SMC4: variants seen among roughly 807,000 people sequenced by gnomAD.
The protein encoded by SMC4 is structural maintenance of chromosomes 4, also known as structural maintenance of chromosomes protein 4.
In SMC4, 87 loss-of-function variants were observed where a neutral mutation model predicts 145.6. The ratio of observed to expected loss-of-function variants is 0.60; its 90% CI spans 0.50 to 0.71. The LOEUF is 0.71. SMC4 is among the 30% of genes least tolerant of loss of function. The pLI is 0.00. For missense variants in SMC4, 1,447 were observed against 1,537.1 expected (o/e 0.94, Z 0.98); for synonymous variants, 558 against 500.7 (o/e 1.11, Z -1.53).
chr3:160,417,563 G>A lies in SMC4; in HGVS notation c.1438-160G>A, dbSNP rs1466357602. 3 of 632,216 alleles carry A rather than the reference G, an allele frequency of 4.7e-6. No homozygotes were observed. In the African/African-American group the frequency reaches 5.5e-5, roughly 12 times the overall value. The allele number at this position is 632,216 out of a possible 1,614,324, so 39.2% of individuals were successfully genotyped here. On this transcript the variant is annotated intron_variant, in intron 10 of 23. Transcript: ENST00000357388. The stretch of plus-strand genomic sequence containing the variant: ...ATGTACAGTGAATATTGACAACTAG[G>A]CAAAAACTGAATCTAGTCCACTTGT...
chr3:160,411,986 G>T lies in SMC4; in HGVS notation c.754G>T (p.Glu252Ter). 6.2e-7 allele frequency: 1 copy of T among 1,613,628 alleles called. No individual in the cohort carries two copies. The highest frequency in any genetic ancestry group is 8.5e-7 in the Non-Finnish European group (1 of 1,179,770). ...GACTGAACACGATGAGGGTATGCTT[G>T]AATATTTAGAAGATATAATTGGTTG... ...GQTEHDEGML[E>*]YLEDIIGCGR... The change falls in exon 6 of 24, where the codon GAA becomes TAA. Residue 252 changes from glutamate to a stop codon, truncating the protein, a stop_gained. Transcript: ENST00000357388. LOFTEE classifies it high-confidence loss of function.
intron 5 of SMC4, among the ~76,000 whole-genome samples, chr3:160,411,130 A>T (rs1715952395): frequency 6.6e-6 from 1 of 152,152 alleles, no homozygotes; most frequent in Non-Finnish European, 1.5e-5. Context: ...TTTACTCTTC[A>T]TAATTAAACT....
chr3:160,404,730 T>C lies in SMC4; in HGVS notation c.687+226T>C, dbSNP rs964568694. ...ATCAGATGTTCGTTTTATGTTTGGA[T>C]GAACTGACATACTTGTTCCACTCTA... On this transcript the variant is annotated intron_variant, in intron 5 of 23. Coordinates refer to ENST00000357388, the MANE Select transcript of SMC4 (RefSeq NM_001002800.3). 9.0e-6 allele frequency: 6 copies of C among 670,300 alleles called. No individual in the cohort carries two copies. In the Admixed American group the frequency reaches 9.0e-5, roughly 10 times the overall value. The allele number at this position is 670,300 out of a possible 1,614,324, so 41.5% of individuals were successfully genotyped here. A position where few individuals can be genotyped will look rare whatever the true frequency, so the allele number is the denominator to read the frequency against.
chr3:160,414,357 G>T lies in SMC4; in HGVS notation c.1122-10G>T. ...CAAAATAATGACTTACAATATACTT[G>T]CTTTGCTAGGAAACTGAATAAAATT... is the stretch of plus-strand genomic sequence containing the variant. On this transcript the variant is annotated splice_polypyrimidine_tract_variant and intron_variant, in intron 8 of 23. Transcript: ENST00000357388. 1 of 1,582,458 alleles carries T rather than the reference G, an allele frequency of 6.3e-7. No individual in the cohort carries two copies. Among genetic ancestry groups the T allele is most frequent in the South Asian group, 1.1e-5 (1 of 89,430 alleles).
At chr3:160,404,774 C>T (rs756199981) in intron 5 of SMC4, 5 of 598,424 alleles carry the variant, frequency 8.4e-6, no homozygotes, top group Admixed American at 1.9e-5. Flanking sequence ...TAAATATTGG[C>T]GTAGTGAAAT....
At chr3:160,427,495 G>A (rs1717915813) in intron 17 of SMC4, among the ~76,000 whole-genome samples, 1 of 152,120 alleles carries the variant, frequency 6.6e-6, no homozygotes, top group African/African-American at 2.4e-5. Flanking sequence ...GGTCAATTGA[G>A]AAGCCAAAAT....
chr3:160,410,626 A>C (rs750164338), intron 5 of SMC4, among the ~76,000 whole-genome samples: 4 of 152,242 alleles, frequency 2.6e-5, no homozygotes, highest in Non-Finnish European at 5.9e-5. Flanking sequence ...CATTGTGCTT[A>C]TAGACTGTCA....
At position 160,413,584 on chromosome 3, in the gene SMC4, T is replaced by G. The variant is rs1716256056; in HGVS notation, c.1092T>G (p.Ala364=). Residue 364 remains alanine, a synonymous_variant, in exon 8 of 24, where the codon GCT becomes GCG. Transcript: ENST00000357388. ...ATATACTATCAAATGAAATGAAAGC[T>G]AAGAATAAAGATGTAAAAGATACAG... ...KSNILSNEMK[A]KNKDVKDTEK... is the part of the protein sequence containing the mutation. The G allele has an allele frequency of 6.8e-7, 1 of 1,460,710 alleles. No individual in the cohort carries two copies. The allele number at this position is 1,460,710 out of a possible 1,614,324, so 90.5% of individuals were successfully genotyped here. A position where few individuals can be genotyped will look rare whatever the true frequency, so the allele number is the denominator to read the frequency against.
chr3:160,421,364 T>A (rs1576975196), intron 13 of SMC4, among the ~76,000 whole-genome samples: 1 of 152,208 alleles, frequency 6.6e-6, no homozygotes, highest in East Asian at 1.9e-4. Context: ...TAAAAAATTG[T>A]TTGACATTTG....
At chr3:160,408,159 C>G (rs1715554827) in intron 5 of SMC4, among the ~76,000 whole-genome samples, 1 of 151,982 alleles carries the variant, frequency 6.6e-6, no homozygotes, top group South Asian at 2.1e-4. Flanking sequence ...ATAGTAATTA[C>G]AAGTAAAAAT....
intron 5 of SMC4, chr3:160,404,935 T>C (rs1715153922): frequency 3.0e-6 from 1 of 338,856 alleles, no homozygotes; most frequent in African/African-American, 2.2e-5. Context: ...TTGTTCTTAT[T>C]ATCTCTTCTG....
At chr3:160,403,801 A>G (rs1006512358) in intron 4 of SMC4, among the ~76,000 whole-genome samples, 9 of 152,140 alleles carry the variant, frequency 5.9e-5, no homozygotes, top group South Asian at 2.1e-4. Flanking sequence ...TTTTTTAAAA[A>G]TCTGTTTAAA....
chr3:160,420,660 G>A, intron 12 of SMC4, 80 bp from the exon 13 acceptor site: 1 of 1,463,060 alleles, frequency 6.8e-7, no homozygotes, highest in Non-Finnish European at 9.3e-7. Flanking sequence ...TCAATTAAAA[G>A]AAGTTTTTAA....
In SMC4 at chr3:160,419,482, TC is replaced by T; in HGVS notation, c.1798del (p.Asp601MetfsTer3). The T allele has an allele frequency of 6.2e-7, 1 of 1,607,986 alleles. No individual in the cohort carries two copies. Among genetic ancestry groups the T allele is most frequent in the Non-Finnish European group, 8.5e-7 (1 of 1,178,684 alleles). Reference sequence around the variant, plus strand: ...GCAATGAATCGAAGTAGGGGGAAAGTCCTTGATGCAATAATTCAAGAAAAAA... The same window carrying T: ...GCAATGAATCGAAGTAGGGGGAAAGTCTTGATGCAATAATTCAAGAAAAAA... ...SLAMNRSRGK[V>X]LDAIIQEKKS... On this transcript the variant is annotated frameshift_variant, in exon 12 of 24. Transcript: ENST00000357388. LOFTEE classifies it high-confidence loss of function.
intron 13 of SMC4, among the ~76,000 whole-genome samples, chr3:160,421,552 T>G (rs1717179392): frequency 6.6e-6 from 1 of 152,092 alleles, no homozygotes; most frequent in African/African-American, 2.4e-5. Context: ...GAGACCAGCC[T>G]GGCCAACATG....
chr3:160,400,641 AC>A, intron 1 of SMC4, 180 bp from the exon 2 acceptor site: 1 of 689,948 alleles, frequency 1.4e-6, no homozygotes, highest in Non-Finnish European at 2.2e-6. Context: ...TTGTTAAGAA[AC>A]CAGTCCTGCC....
chr3:160,421,079 G>A (rs374255062), intron 13 of SMC4, among the ~76,000 whole-genome samples, 178 bp downstream of exon 13: 1 of 151,972 alleles, frequency 6.6e-6, no homozygotes, highest in Non-Finnish European at 1.5e-5. Flanking sequence ...ACAGGTGCCC[G>A]CCACCACACC....
intron 21 of SMC4, 131 bp downstream of exon 21, chr3:160,431,956 CTTTG>C: frequency 1.1e-6 from 1 of 925,394 alleles, no homozygotes; most frequent in Non-Finnish European, 1.6e-6. Context: ...AATCCCAGCA[CTTTG>C]GGAGGCCAAA....
chr3:160,402,565 C>A, intron 3 of SMC4, 111 bp from the exon 4 acceptor site: 1 of 1,087,014 alleles, frequency 9.2e-7, no homozygotes, highest in Non-Finnish European at 1.3e-6. Context: ...CTTTTAAATA[C>A]TTGCAGTTTT....
Sources: gnomAD v4.1 joint callset for allele counts (sites outside exome capture counted in the v4.1 genomes callset) on GRCh38, gnomAD v4.1.1 for gene constraint, MANE v1.5 for transcripts, NCBI Gene and HGNC (gene_info 2026-07-23, HGNC 2026-07-21) for gene names.